Variants in CEP350 observed in about 807,000 individuals in gnomAD.
CEP350 encodes the protein centrosomal protein 350.
Under a neutral mutation model 331.8 loss-of-function variants are expected in CEP350, and 126 were observed. That is an observed-to-expected ratio of 0.38 (90% confidence interval 0.33 to 0.44). CEP350 has a LOEUF of 0.44. Among genes scored for constraint, CEP350 ranks in the 20% least tolerant of loss-of-function variants. The pLI, the probability that CEP350 is intolerant of heterozygous loss-of-function variation, is 1.00. For synonymous variants in CEP350, 1,200 were observed against 1,259.5 expected, an observed-to-expected ratio of 0.95 and a Z score of 1.00; for missense variants, 3,406 against 3,634.6, an observed-to-expected ratio of 0.94 and a Z score of 1.62.
chr1:180,013,873 G>T lies in CEP350; in HGVS notation c.1420G>T (p.Asp474Tyr). The change falls in exon 10 of 38, where the codon GAT (aspartate) becomes TAT (tyrosine). Residue 474 changes from aspartate (D) to tyrosine (Y), a missense_variant. By Grantham distance (160) the Asp-to-Tyr change is radical (BLOSUM62 -3). Coordinates refer to ENST00000367607, the MANE Select transcript of CEP350 (RefSeq NM_014810.5). ...GGGTCACATTGGAAGAGCAGAATCT[G>T]ATCCCAGGTTGGACGTTTTACATAG... ...SGGHIGRAES[D>Y]PRLDVLHRHL... The T allele has an allele frequency of 6.2e-7, 1 of 1,612,014 alleles. No homozygotes were observed. The highest frequency in any genetic ancestry group is 1.3e-5 in the African/African-American group (1 of 74,858).
chr1:180,039,211 G>T (rs1656581738), intron 17 of CEP350, among the ~76,000 whole-genome samples: 2 of 144,070 alleles, frequency 1.4e-5, no homozygotes, highest in South Asian at 4.6e-4. Context: ...AGTAAGCCAA[G>T]ATTGTGCCAT....
Position 180,111,050 on chromosome 1 carries a change from G to A in CEP350, c.9243G>A (p.Glu3081=). Reference sequence around the variant, plus strand: ...AGTGGGTGAACTATGATGAGGATGAGTTGTGTGTGAAAATGCAGCTAGCCG... The same window carrying A: ...AGTGGGTGAACTATGATGAGGATGAATTGTGTGTGAAAATGCAGCTAGCCG... ...EAQWVNYDED[E]LCVKMQLADG... is the part of the protein sequence containing the mutation. The change falls in exon 38 of 38, where the codon GAG becomes GAA. Residue 3081 remains glutamate (E), a synonymous_variant. Transcript: ENST00000367607. 6.2e-7 allele frequency: 1 copy of A among 1,613,988 alleles called. No homozygotes were observed. Among genetic ancestry groups the A allele is most frequent in the Non-Finnish European group, 8.5e-7 (1 of 1,179,878 alleles).
Position 180,008,864 on chromosome 1 carries a change from G to T in CEP350, c.1246+2297G>T, listed in dbSNP as rs149395870. 4.9e-3 allele frequency among the ~76,000 whole-genome samples: 752 copies of T among 152,218 alleles called. 9 individuals carry two copies. The highest frequency in any genetic ancestry group is 0.017 in the African/African-American group (717 of 41,530). On this transcript the variant is annotated intron_variant, in intron 8 of 37. Transcript: ENST00000367607. ...TTTTGATCAGGCATCTGTTTTTCTA[G>T]TCATACACTAATCAGTAGAATGGCA...
chr1:180,031,521 A>T lies in CEP350; in HGVS notation c.3725+27A>T, dbSNP rs752541335. 2.8e-6 allele frequency: 3 copies of T among 1,084,546 alleles called. No homozygotes were observed. The South Asian group carries it at 9.4e-5, about 34-fold the overall frequency. The allele number at this position is 1,084,546 out of a possible 1,614,324, so 67.2% of individuals were successfully genotyped here. ...TAATGTATATTTTATACTGTAATTT[A>T]TATATAATTAAAGATATATAATTGA... On this transcript the variant is annotated intron_variant, in intron 15 of 37. Transcript: ENST00000367607.
rs1572018099 is a variant in CEP350, at chr1:180,111,216, C to T, written c.*55C>T. 4.4e-6 allele frequency: 7 copies of T among 1,586,896 alleles called. No individual in the cohort carries two copies. In the East Asian group the frequency reaches 1.6e-4, roughly 36 times the overall value. On this transcript the variant is annotated 3_prime_UTR_variant, in exon 38 of 38. Coordinates refer to ENST00000367607, the MANE Select transcript of CEP350 (RefSeq NM_014810.5). ...CTAATGTGAGTCCTGGGCCTTTCTG[C>T]CTCCTGATGTACACCCATCGCCATC...
rs1352564667 is a variant in CEP350 at position 180,053,205 on chromosome 1, A to G, written c.4989+39A>G. On this transcript the variant is annotated intron_variant, in intron 23 of 37. Transcript: ENST00000367607. ...TATCTGTGGAGGTAAATGGTTGTGG[A>G]TATGTTCTCTCAAAGATATGAGAAA... 4 of 1,195,884 alleles carry G rather than the reference A, an allele frequency of 3.3e-6. No homozygotes were observed. In the South Asian group the frequency reaches 6.8e-5, roughly 20 times the overall value. 74.1% of individuals were successfully genotyped at this position (1,195,884 alleles called of 1,614,324 possible). A position where few individuals can be genotyped will look rare whatever the true frequency, so the allele number is the denominator to read the frequency against.
rs1263004205 is a variant in CEP350, at chr1:180,112,128, G to C, written c.*967G>C. On this transcript the variant is annotated 3_prime_UTR_variant, in exon 38 of 38. Transcript: ENST00000367607. ...CAAAGACAAAAAGATATTGTCTATT[G>C]TTTGTGTGCTTGTTTTGCGCTATGG... is the stretch of plus-strand genomic sequence containing the variant. The C allele has an allele frequency of 2.0e-5, 3 of 152,564 alleles. No individual in the cohort carries two copies. The highest frequency in any genetic ancestry group is 4.4e-5 in the Non-Finnish European group (3 of 67,992). The allele number at this position is 152,564 out of a possible 1,614,324, so 9.5% of individuals were successfully genotyped here. A position where few individuals can be genotyped will look rare whatever the true frequency, so the allele number is the denominator to read the frequency against.
At position 180,084,149 on chromosome 1, in the gene CEP350, C is replaced by T; in HGVS notation, c.6256C>T (p.Gln2086Ter). 1 of 1,586,440 alleles carries T rather than the reference C, an allele frequency of 6.3e-7. No individual in the cohort carries two copies. The highest frequency in any genetic ancestry group is 1.7e-4 in the Middle Eastern group (1 of 6,030). ...KKRQKERLKA[Q>*]EASLIKQLES... is the part of the protein sequence containing the mutation. ...AAGGCAAAAGGAAAGACTGAAAGCC[C>T]AAGAAGCCAGTCTGATCAAGCAGTT... Residue 2086 changes from glutamine to a stop codon, truncating the protein, a stop_gained, in exon 31 of 38, where the codon CAA becomes TAA. Transcript: ENST00000367607. LOFTEE classifies it high-confidence loss of function.
At position 180,053,741 on chromosome 1, in the gene CEP350, C is replaced by G; in HGVS notation, c.4990-9C>G. ...TGATGATAAACAAGAAAGAAACCAT[C>G]TACTTTAGGAACTGAACATGCCATT... On this transcript the variant is annotated splice_polypyrimidine_tract_variant and intron_variant, in intron 23 of 37. Coordinates refer to ENST00000367607, the MANE Select transcript of CEP350 (RefSeq NM_014810.5). The G allele has an allele frequency of 1.3e-6, 2 of 1,498,318 alleles. No homozygotes were observed. The highest frequency in any genetic ancestry group is 1.8e-6 in the Non-Finnish European group (2 of 1,106,828). The allele number at this position is 1,498,318 out of a possible 1,614,324, so 92.8% of individuals were successfully genotyped here.
Position 179,991,798 on chromosome 1 carries a change from A to G in CEP350, c.236-264A>G, listed in dbSNP as rs1162704132. On this transcript the variant is annotated intron_variant, in intron 4 of 37. Coordinates refer to ENST00000367607, the MANE Select transcript of CEP350 (RefSeq NM_014810.5). Reference sequence around the variant, plus strand: ...CTCTTAAGTGAGTGAGAGCCATGACAAAAAATAAATTTTATGTGTAGAATT... The same window carrying G: ...CTCTTAAGTGAGTGAGAGCCATGACGAAAAATAAATTTTATGTGTAGAATT... 4.6e-5 allele frequency among the ~76,000 whole-genome samples: 7 copies of G among 151,370 alleles called. No individual in the cohort carries two copies. The South Asian group carries it at 1.5e-3, about 32-fold the overall frequency.
At chr1:180,014,921 T>C (rs186848085) in intron 10 of CEP350, among the ~76,000 whole-genome samples, 78 of 152,354 alleles carry the variant, frequency 5.1e-4, no homozygotes, top group Admixed American at 4.1e-3. Flanking sequence ...TATAACATAA[T>C]GTTGATTAAC....
At chr1:180,090,614 TA>T in intron 32 of CEP350, 99 bp from the exon 33 acceptor site, 1 of 811,806 alleles carries the variant, frequency 1.2e-6, no homozygotes, top group Non-Finnish European at 1.7e-6. Context: ...ATACCTACTG[TA>T]GAGAAGAGGA....
chr1:180,046,542 T>C (rs1247899747), intron 21 of CEP350, among the ~76,000 whole-genome samples: 1 of 152,258 alleles, frequency 6.6e-6, no homozygotes, highest in Admixed American at 6.5e-5. Context: ...CTGTGAACAT[T>C]CACATATAAC....
At chr1:180,027,086 C>G (rs929758166) in intron 14 of CEP350, among the ~76,000 whole-genome samples, 49 of 152,184 alleles carry the variant, frequency 3.2e-4, no homozygotes, top group African/African-American at 1.2e-3. Context: ...GCACAGGGTT[C>G]TATTTTGTCT....
chr1:180,081,616 A>T (rs1256952097), intron 30 of CEP350, among the ~76,000 whole-genome samples: 2 of 152,222 alleles, frequency 1.3e-5, no homozygotes, highest in African/African-American at 2.4e-5. Context: ...GCAAACCTAG[A>T]TTGTGTAGCC....
intron 15 of CEP350, among the ~76,000 whole-genome samples, chr1:180,032,769 C>A (rs113750631): frequency 1.3e-5 from 2 of 151,996 alleles, no homozygotes; most frequent in African/African-American, 4.8e-5. Flanking sequence ...ATCTGCATAG[C>A]AAATATAAAT....
At chr1:179,997,891 TA>T (rs1399657649) in intron 6 of CEP350, among the ~76,000 whole-genome samples, 9 of 152,222 alleles carry the variant, frequency 5.9e-5, no homozygotes, top group Admixed American at 2.6e-4. Flanking sequence ...ATCCTGTTGA[TA>T]TTTTAACCTT....
chr1:179,977,588 A>T (rs1651964678), intron 1 of CEP350, among the ~76,000 whole-genome samples: 3 of 152,172 alleles, frequency 2.0e-5, no homozygotes, highest in African/African-American at 7.2e-5. Context: ...ATTTGCAGAT[A>T]ATTGAAGATC....
intron 27 of CEP350, among the ~76,000 whole-genome samples, chr1:180,074,764 GT>G (rs1232364838): frequency 6.6e-6 from 1 of 152,096 alleles, no homozygotes; most frequent in Admixed American, 6.6e-5. Context: ...TATTCTGAAG[GT>G]TTTTTTCCTG....
Sources: allele counts gnomAD v4.1 joint callset (sites outside exome capture counted in the v4.1 genomes callset), GRCh38; gene constraint gnomAD v4.1.1; transcripts MANE v1.5; gene names NCBI Gene and HGNC (gene_info 2026-07-23, HGNC 2026-07-21).